UNC5D: variants seen among roughly 807,000 people sequenced by gnomAD.
UNC5D encodes netrin receptor UNC5D.
Under a neutral mutation model 105.4 loss-of-function variants are expected in UNC5D, and 39 were observed. That is an observed-to-expected ratio of 0.37 (90% CI 0.29 to 0.48). The LOEUF is 0.48. Among genes scored for constraint, UNC5D ranks in the 20% least tolerant of loss-of-function variants. The pLI, the probability that UNC5D is intolerant of heterozygous loss-of-function variation, is 0.98. For missense variants in UNC5D, 991 were observed against 1,202.4 expected (o/e 0.82, Z 2.60); for synonymous variants, 452 against 450.4 (o/e 1.00, Z -0.04).
At position 35,422,092 on chromosome 8, in the gene UNC5D, G is replaced by A. The variant is rs563082891; in HGVS notation, c.104-127200G>A. On this transcript the variant is annotated intron_variant, in intron 1 of 16. Transcript: ENST00000404895. Reference sequence around the variant, plus strand: ...TAAACCATGAACGGTATAGCCTCACGCTGGGATTGTTGCAGTGATTAGATG... The same window carrying A: ...TAAACCATGAACGGTATAGCCTCACACTGGGATTGTTGCAGTGATTAGATG... Among the ~76,000 whole-genome samples the A allele has an allele frequency of 1.6e-4, 24 of 152,232 alleles. No individual in the cohort carries two copies. In the South Asian group the frequency reaches 1.9e-3, roughly 12 times the overall value.
At chr8:35,660,946 AAAC>A (rs1341879900) in intron 4 of UNC5D, among the ~76,000 whole-genome samples, 1 of 152,084 alleles carries the variant, frequency 6.6e-6, no homozygotes, top group Non-Finnish European at 1.5e-5. Flanking sequence ...TTTATTTAAA[AAAC>A]TAGCTGGGCA....
chr8:35,491,718 T>G (rs1811225361), intron 1 of UNC5D, among the ~76,000 whole-genome samples: 1 of 152,166 alleles, frequency 6.6e-6, no homozygotes, highest in Non-Finnish European at 1.5e-5. Flanking sequence ...TGGTACTTTG[T>G]TATACATGTA....
chr8:35,465,892 A>G (rs2921219), intron 1 of UNC5D, among the ~76,000 whole-genome samples: 83,685 of 151,956 alleles, frequency 0.55, 27,226 homozygotes, highest in Non-Finnish European at 0.72. Context: ...TCCATCCACC[A>G]TTGCTCATTT....
intron 11 of UNC5D, among the ~76,000 whole-genome samples, chr8:35,738,021 G>T (rs1011355520): frequency 3.3e-5 from 5 of 152,106 alleles, no homozygotes; most frequent in Non-Finnish European, 7.4e-5. Flanking sequence ...CAGGAGAATC[G>T]CTTGAACCCA....
At chr8:35,539,991 T>G (rs1815150971) in intron 1 of UNC5D, among the ~76,000 whole-genome samples, 1 of 152,232 alleles carries the variant, frequency 6.6e-6, no homozygotes, top group Non-Finnish European at 1.5e-5. Flanking sequence ...TGGTGTTTGA[T>G]TGTTTGGTTT....
intron 4 of UNC5D, among the ~76,000 whole-genome samples, chr8:35,661,805 AAACT>A (rs1824121799): frequency 6.6e-6 from 1 of 152,282 alleles, no homozygotes; most frequent in African/African-American, 2.4e-5. Context: ...ATAAACAATC[AAACT>A]AAGAAACATA....
At chr8:35,585,421 C>T (rs1025347717) in intron 3 of UNC5D, among the ~76,000 whole-genome samples, 1 of 151,940 alleles carries the variant, frequency 6.6e-6, no homozygotes, top group African/African-American at 2.4e-5. Flanking sequence ...CAAAGGTGGC[C>T]TTTCTTCGTT....
At chr8:35,682,532 A>C (rs1825738430) in intron 4 of UNC5D, among the ~76,000 whole-genome samples, 1 of 152,208 alleles carries the variant, frequency 6.6e-6, no homozygotes, top group South Asian at 2.1e-4. Context: ...GTTGTCAAAC[A>C]AGAGATGTGT....
rs535529350 is a variant in UNC5D, at chr8:35,481,413, G to T, written c.104-67879G>T. On this transcript the variant is annotated intron_variant, in intron 1 of 16. Coordinates refer to ENST00000404895, the MANE Select transcript of UNC5D (RefSeq NM_080872.4). Reference sequence around the variant, plus strand: ...ATCCTGTCTCAGAAAAGAAAGAAAAGAAAACAGAAAATGACCACAAAAAAC... The same window carrying T: ...ATCCTGTCTCAGAAAAGAAAGAAAATAAAACAGAAAATGACCACAAAAAAC... Among the ~76,000 whole-genome samples the T allele has an allele frequency of 3.9e-5, 6 of 152,166 alleles. No individual in the cohort carries two copies. The South Asian group carries it at 1.0e-3, about 26-fold the overall frequency.
In UNC5D at chr8:35,604,402, C is replaced by T. The variant is rs185387325; in HGVS notation, c.570+8745C>T. ...CCTCTTCTGGCTTGTAGAGTTTCTGCGGAGAGATCAGCTGTTAGTCTGATG... is the reference window on the plus strand; with the variant it reads ...CCTCTTCTGGCTTGTAGAGTTTCTGTGGAGAGATCAGCTGTTAGTCTGATG... On this transcript the variant is annotated intron_variant, in intron 4 of 16. Coordinates refer to ENST00000404895, the MANE Select transcript of UNC5D (RefSeq NM_080872.4). 9.7e-3 allele frequency among the ~76,000 whole-genome samples: 1,477 copies of T among 152,278 alleles called. 25 individuals carry two copies. Among genetic ancestry groups the T allele is most frequent in the African/African-American group, 0.034 (1,415 of 41,552 alleles).
chr8:35,275,679 T>C (rs1271113953), intron 1 of UNC5D, among the ~76,000 whole-genome samples: 1 of 152,130 alleles, frequency 6.6e-6, no homozygotes, highest in Non-Finnish European at 1.5e-5. Context: ...TTACTCTCTG[T>C]GTGACCTGGA....
intron 1 of UNC5D, among the ~76,000 whole-genome samples, chr8:35,252,911 T>C (rs1367685493): frequency 2.0e-5 from 3 of 152,216 alleles, no homozygotes; most frequent in Non-Finnish European, 4.4e-5. Context: ...TTCCAGTCAT[T>C]TACTGGATAT....
At chr8:35,604,735 G>A (rs1249432882) in intron 4 of UNC5D, among the ~76,000 whole-genome samples, 1 of 152,130 alleles carries the variant, frequency 6.6e-6, no homozygotes, top group African/African-American at 2.4e-5. Flanking sequence ...TGGAGGCTTT[G>A]TTCGTTTCTT....
rs377440861 is a variant in UNC5D at position 35,345,467 on chromosome 8, C to T, written c.103+109580C>T. ...GAAATAAAAATCCTGCTATACTCTG[C>T]TTCAAATACATTTGAATAACACATT... On this transcript the variant is annotated intron_variant, in intron 1 of 16. Transcript: ENST00000404895. Among the ~76,000 whole-genome samples the T allele has an allele frequency of 1.3e-4, 20 of 152,124 alleles. No individual in the cohort carries two copies. In the East Asian group the frequency reaches 3.5e-3, roughly 26 times the overall value.
intron 1 of UNC5D, among the ~76,000 whole-genome samples, chr8:35,301,198 G>A (rs1201310535): frequency 6.6e-6 from 1 of 152,082 alleles, no homozygotes; most frequent in East Asian, 1.9e-4. Flanking sequence ...AAAGTACGAA[G>A]GGGTCCAAAA....
intron 1 of UNC5D, among the ~76,000 whole-genome samples, chr8:35,472,931 G>C (rs1459465587): frequency 6.6e-6 from 1 of 152,216 alleles, no homozygotes; most frequent in Non-Finnish European, 1.5e-5. Context: ...GGTGGTCAAT[G>C]ACACCAGGTG....
At chr8:35,682,699 G>A (rs1825746839) in intron 4 of UNC5D, among the ~76,000 whole-genome samples, 1 of 152,202 alleles carries the variant, frequency 6.6e-6, no homozygotes, top group African/African-American at 2.4e-5. Context: ...TGAGGATCCA[G>A]GGAGCAGAGG....
At chr8:35,343,077 A>G (rs1563329208) in intron 1 of UNC5D, among the ~76,000 whole-genome samples, 1 of 152,060 alleles carries the variant, frequency 6.6e-6, no homozygotes. Flanking sequence ...GATGAGCCCT[A>G]AGGATCTGTG....
At chr8:35,721,382 C>T (rs987078393) in intron 8 of UNC5D, 70 of 702,010 alleles carry the variant, frequency 1.0e-4, no homozygotes, top group Non-Finnish European at 1.3e-4. Flanking sequence ...GCACATCTTG[C>T]GGGGTGGGGA....
Sources: allele counts gnomAD v4.1 joint callset (sites outside exome capture counted in the v4.1 genomes callset), GRCh38; gene constraint gnomAD v4.1.1; transcripts MANE v1.5; gene names NCBI Gene and HGNC (gene_info 2026-07-23, HGNC 2026-07-21).